The following OR6N1 variants were observed in gnomAD, a reference collection of about 807,000 sequenced individuals.
OR6N1 encodes olfactory receptor family 6 subfamily N member 1.
For missense variants in OR6N1, 394 were observed against 371.7 expected, an observed-to-expected ratio of 1.06 and a Z score of -0.49; for synonymous variants, 170 against 150.7, an observed-to-expected ratio of 1.13 and a Z score of -0.94.
At chr1:158,825,254 A>G in the OR6N1 span, among the ~76,000 whole-genome samples, 2 of 152,152 alleles carry the variant, frequency 1.3e-5, no homozygotes, top group African/African-American at 4.8e-5. Flanking sequence ...CCTGGCTAAC[A>G]CAGTGAAACC....
chr1:158,816,227 T>C, the OR6N1 span, among the ~76,000 whole-genome samples: 5 of 152,122 alleles, frequency 3.3e-5, no homozygotes, highest in Non-Finnish European at 7.4e-5. Context: ...AAACCTCTTT[T>C]CTATACATCC....
chr1:158,787,635 T>TCTCACACACACACA, the OR6N1 span, among the ~76,000 whole-genome samples: 56 of 134,302 alleles, frequency 4.2e-4, no homozygotes, highest in African/African-American at 1.4e-3. Context: ...TCTCTCTCTC[T>TCTCACACACACACA]CACACACACA....
chr1:158,787,090 C>T, the OR6N1 span, among the ~76,000 whole-genome samples: 2 of 151,980 alleles, frequency 1.3e-5, no homozygotes, highest in East Asian at 1.9e-4. Context: ...GAGTCATGTT[C>T]GGTCATGGGG....
chr1:158,776,069 T>C (rs1261778088), upstream of OR6N1: 1 of 152,114 alleles, frequency 6.6e-6, no homozygotes, highest in Non-Finnish European at 1.5e-5. Context: ...TCTAGGGAGA[T>C]AGCACGGCAG....
rs773553395 is a variant in OR6N1, at chr1:158,765,634, C to A, written c.*110G>T. Reference sequence around the variant, plus strand: ...TCAGTCAGCACTTGCTGCAGCTCCACCACCCCACATAGAAAAGCACTGAAT... The same window carrying A: ...TCAGTCAGCACTTGCTGCAGCTCCAACACCCCACATAGAAAAGCACTGAAT... On this transcript the variant is annotated 3_prime_UTR_variant, in exon 2 of 2. Transcript: ENST00000641846. 12 of 881,048 alleles carry A rather than the reference C, an allele frequency of 1.4e-5. No individual in the cohort carries two copies. The South Asian group carries it at 1.9e-4, about 14-fold the overall frequency. 54.6% of individuals were successfully genotyped at this position (881,048 alleles called of 1,614,324 possible).
At chr1:158,807,856 T>C in the OR6N1 span, among the ~76,000 whole-genome samples, 1 of 152,194 alleles carries the variant, frequency 6.6e-6, no homozygotes, top group East Asian at 1.9e-4. Flanking sequence ...CTCCCTTTGT[T>C]GCATTTCTTT....
chr1:158,822,240 A>C, the OR6N1 span, among the ~76,000 whole-genome samples: 12 of 152,248 alleles, frequency 7.9e-5, no homozygotes, highest in African/African-American at 2.9e-4. Context: ...TTCTGTGAAG[A>C]GTGTCATAGG....
At chr1:158,794,449 A>ACGAATCCTGCTGCTCCTCTGGGT in the OR6N1 span, among the ~76,000 whole-genome samples, 1 of 152,070 alleles carries the variant, frequency 6.6e-6, no homozygotes, top group Non-Finnish European at 1.5e-5. Flanking sequence ...CCAGACTACT[A>ACGAATCCTGCTGCTCCTCTGGGT]CGAATCCTGC....
the OR6N1 span, among the ~76,000 whole-genome samples, chr1:158,799,458 T>TG: frequency 3.9e-5 from 6 of 152,302 alleles, no homozygotes; most frequent in African/African-American, 1.4e-4. Context: ...GGATCATATA[T>TG]GTTCTAAAAA....
chr1:158,805,461 AC>A, the OR6N1 span, among the ~76,000 whole-genome samples: 1 of 152,182 alleles, frequency 6.6e-6, no homozygotes, highest in African/African-American at 2.4e-5. Context: ...ACTGAGGTGA[AC>A]AGAAAGGCCA....
At chr1:158,777,137 G>A, upstream of OR6N1, 1 of 1,614,116 alleles carries the variant, frequency 6.2e-7, no homozygotes, top group Non-Finnish European at 8.5e-7. Context: ...GCACAAAATG[G>A]GAGCTGGGAG....
chr1:158,816,157 CAAA>C, the OR6N1 span, among the ~76,000 whole-genome samples: 9 of 89,538 alleles, frequency 1.0e-4, no homozygotes, highest in Admixed American at 1.3e-4. Flanking sequence ...GACACCATCT[CAAA>C]AAAAAAAAAA....
chr1:158,827,469 A>C, the OR6N1 span, among the ~76,000 whole-genome samples: 18 of 152,192 alleles, frequency 1.2e-4, no homozygotes, highest in Non-Finnish European at 2.2e-4. Flanking sequence ...CATTCCACAA[A>C]TATTTTGATA....
Position 158,765,807 on chromosome 1 carries a change from C to A in OR6N1, c.876G>T (p.Leu292Phe). 6.2e-7 allele frequency: 1 copy of A among 1,614,148 alleles called. No individual in the cohort carries two copies. The highest frequency in any genetic ancestry group is 8.5e-7 in the Non-Finnish European group (1 of 1,180,010). The change falls in exon 2 of 2, where the codon TTG (leucine) becomes TTT (phenylalanine). Residue 292 changes from leucine to phenylalanine, a missense_variant. Physicochemically the swap from Leu to Phe is conservative, Grantham distance 22. Coordinates refer to ENST00000641846, the MANE Select transcript of OR6N1 (RefSeq NM_001005185.2). ...TPFLNPFIYS[L>F]RNKEIKEAVR... is the part of the protein sequence containing the mutation. ...CAGCCTCCTTGATCTCCTTGTTGCG[C>A]AAGCTGTAGATGAAGGGGTTGAGGA...
At chr1:158,829,927 T>G in the OR6N1 span, among the ~76,000 whole-genome samples, 41 of 152,184 alleles carry the variant, frequency 2.7e-4, no homozygotes, top group African/African-American at 8.7e-4. Flanking sequence ...CAACTCCCAT[T>G]TTTTAAAAAC....
the OR6N1 span, among the ~76,000 whole-genome samples, chr1:158,781,463 C>A: frequency 6.6e-6 from 1 of 152,146 alleles, no homozygotes; most frequent in African/African-American, 2.4e-5. Context: ...TGTCTCATCA[C>A]CCTCCCTTGC....
chr1:158,793,963 C>T, the OR6N1 span, among the ~76,000 whole-genome samples: 1 of 152,118 alleles, frequency 6.6e-6, no homozygotes, highest in Non-Finnish European at 1.5e-5. Context: ...CTTCTTCCAC[C>T]CACACTCCTA....
At chr1:158,828,791 C>T in the OR6N1 span, among the ~76,000 whole-genome samples, 1 of 152,218 alleles carries the variant, frequency 6.6e-6, no homozygotes, top group Non-Finnish European at 1.5e-5. Flanking sequence ...CAGAGGTTCT[C>T]CATTAGGACT....
the OR6N1 span, among the ~76,000 whole-genome samples, chr1:158,828,153 C>T: frequency 1.3e-5 from 2 of 152,118 alleles, no homozygotes; most frequent in Admixed American, 1.3e-4. Context: ...TGGGTGGGGA[C>T]ACAGAGCCAA....
Sources: gnomAD v4.1 joint callset for allele counts (sites outside exome capture counted in the v4.1 genomes callset) on GRCh38, gnomAD v4.1.1 for gene constraint, MANE v1.5 for transcripts, NCBI Gene and HGNC (gene_info 2026-07-23, HGNC 2026-07-21) for gene names.